Variants in ITGA9 observed in about 807,000 individuals in gnomAD.
ITGA9 encodes integrin alpha-9.
In ITGA9, 56 loss-of-function variants were observed where a neutral mutation model predicts 127.8. The ratio of observed to expected loss-of-function variants is 0.44; its 90% CI spans 0.35 to 0.55. ITGA9 has a LOEUF of 0.55. ITGA9 is among the 20% of genes least tolerant of loss of function. The pLI is 0.00. For synonymous variants in ITGA9, 508 were observed against 514.5 expected (o/e 0.99, Z 0.17); for missense variants, 1,196 against 1,347.1 (o/e 0.89, Z 1.76).
intron 27 of ITGA9, 45 bp from the exon 28 acceptor site, chr3:37,818,846 T>C (rs556311496): frequency 1.4e-6 from 2 of 1,458,632 alleles, no homozygotes; most frequent in East Asian, 2.3e-5. Flanking sequence ...AATGGCTGAT[T>C]CTTCAGCACT....
At chr3:37,600,786 A>G (rs1699915677) in intron 15 of ITGA9, among the ~76,000 whole-genome samples, 1 of 152,052 alleles carries the variant, frequency 6.6e-6, no homozygotes, top group African/African-American at 2.4e-5. Context: ...TCCTCCTCCC[A>G]TCGGTATGCA....
At chr3:37,738,354 C>T (rs1416978464) in intron 20 of ITGA9, among the ~76,000 whole-genome samples, 2 of 152,116 alleles carry the variant, frequency 1.3e-5, no homozygotes, top group African/African-American at 4.8e-5. Context: ...GGCAAGAAGC[C>T]CTGTTACACC....
chr3:37,624,585 C>G (rs1700159049), intron 15 of ITGA9, among the ~76,000 whole-genome samples: 1 of 152,002 alleles, frequency 6.6e-6, no homozygotes, highest in African/African-American at 2.4e-5. Flanking sequence ...CCTCCCTGCC[C>G]CTGTCAGAGG....
chr3:37,664,790 G>A (rs1006565258), intron 17 of ITGA9, among the ~76,000 whole-genome samples: 4 of 152,008 alleles, frequency 2.6e-5, no homozygotes, highest in African/African-American at 4.8e-5. Context: ...TGGCATGCCA[G>A]CAGTTTCCTA....
intron 22 of ITGA9, chr3:37,749,127 C>T (rs1575219996): frequency 4.2e-6 from 1 of 235,848 alleles, no homozygotes; most frequent in African/African-American, 2.3e-5. Context: ...GTATCAGGGC[C>T]TGTGTTCTTG....
intron 17 of ITGA9, among the ~76,000 whole-genome samples, chr3:37,671,791 A>G (rs1363576215): frequency 6.6e-6 from 1 of 152,198 alleles, no homozygotes; most frequent in East Asian, 1.9e-4. Context: ...CCTGATTAGA[A>G]GGGATTTCTA....
chr3:37,623,921 T>C (rs757489481), intron 15 of ITGA9, among the ~76,000 whole-genome samples: 2 of 152,216 alleles, frequency 1.3e-5, no homozygotes, highest in African/African-American at 4.8e-5. Flanking sequence ...TTCTCGTTTC[T>C]AGGAGTGTCT....
chr3:37,594,677 C>T (rs1327946840), intron 15 of ITGA9, among the ~76,000 whole-genome samples: 1 of 152,156 alleles, frequency 6.6e-6, no homozygotes, highest in Non-Finnish European at 1.5e-5. Context: ...CAGTACCTTC[C>T]TAAGGTCATT....
chr3:37,548,120 T>C (rs909786017), intron 15 of ITGA9, among the ~76,000 whole-genome samples: 1 of 152,174 alleles, frequency 6.6e-6, no homozygotes, highest in Admixed American at 6.5e-5. Context: ...AACTCAGCAA[T>C]AACAATATTA....
At chr3:37,777,630 C>A (rs1239016454) in intron 24 of ITGA9, 113 bp downstream of exon 24, 1 of 1,232,922 alleles carries the variant, frequency 8.1e-7, no homozygotes, top group Non-Finnish European at 1.2e-6. Context: ...ATTTGACTTA[C>A]AAAGGCACAG....
intron 15 of ITGA9, among the ~76,000 whole-genome samples, chr3:37,599,136 G>A (rs1240850845): frequency 1.3e-5 from 2 of 152,226 alleles, no homozygotes; most frequent in Non-Finnish European, 2.9e-5. Context: ...GTGCATAGGT[G>A]CACGGCATAG....
At chr3:37,574,552 A>G (rs565612062) in intron 15 of ITGA9, among the ~76,000 whole-genome samples, 1 of 152,384 alleles carries the variant, frequency 6.6e-6, no homozygotes, top group South Asian at 2.1e-4. Context: ...GGTTTTAACC[A>G]ATAAGCTATA....
At chr3:37,471,772 C>T (rs984662602) in intron 2 of ITGA9, among the ~76,000 whole-genome samples, 5 of 152,032 alleles carry the variant, frequency 3.3e-5, no homozygotes, top group Non-Finnish European at 4.4e-5. Context: ...GCTCACTTTG[C>T]GCTGGGCATG....
At chr3:37,512,073 TTTCCTTCCTTCCTTCC>T (rs1202058955) in intron 8 of ITGA9, among the ~76,000 whole-genome samples, 6 of 39,236 alleles carry the variant, frequency 1.5e-4, no homozygotes, top group Admixed American at 1.0e-3. Flanking sequence ...TCTTTCTTTC[TTTCCTTCCTTCCTTCC>T]TTCCTTCCTT....
At chr3:37,795,681 G>A (rs140617376) in intron 26 of ITGA9, among the ~76,000 whole-genome samples, 91 of 152,180 alleles carry the variant, frequency 6.0e-4, no homozygotes, top group Non-Finnish European at 1.0e-3. Flanking sequence ...TCCCTTCACT[G>A]GCCAGAGCTC....
chr3:37,612,437 A>G (rs751152769), intron 15 of ITGA9, among the ~76,000 whole-genome samples: 5 of 152,226 alleles, frequency 3.3e-5, no homozygotes, highest in Admixed American at 6.5e-5. Flanking sequence ...CATAAACAAT[A>G]TTTCAAGGTG....
chr3:37,694,062 C>G (rs1244078172), intron 18 of ITGA9, among the ~76,000 whole-genome samples: 1 of 152,210 alleles, frequency 6.6e-6, no homozygotes, highest in Non-Finnish European at 1.5e-5. Context: ...TGTCTTTAAT[C>G]CAGTGCCCCA....
At chr3:37,474,539 A>G (rs1186613973) in intron 3 of ITGA9, among the ~76,000 whole-genome samples, 3 of 139,212 alleles carry the variant, frequency 2.2e-5, no homozygotes, top group Non-Finnish European at 5.0e-5. Flanking sequence ...GCACAGCCCG[A>G]TGGGTTTTCA....
At chr3:37,746,825 A>G (rs1696507068) in intron 22 of ITGA9, among the ~76,000 whole-genome samples, 1 of 152,152 alleles carries the variant, frequency 6.6e-6, no homozygotes, top group African/African-American at 2.4e-5. Context: ...TTATTCTTTG[A>G]AGTGGAACCA....
Sources: gnomAD v4.1 joint callset for allele counts (sites outside exome capture counted in the v4.1 genomes callset) on GRCh38, gnomAD v4.1.1 for gene constraint, MANE v1.5 for transcripts, NCBI Gene and HGNC (gene_info 2026-07-23, HGNC 2026-07-21) for gene names.